SORT1: variants seen among roughly 807,000 people sequenced by gnomAD.
SORT1 encodes sortilin.
A neutral mutation model predicts 101.7 loss-of-function variants in SORT1; 39 were observed. The ratio of observed to expected loss-of-function variants is 0.38; its 90% CI spans 0.30 to 0.50. The LOEUF (loss-of-function observed/expected upper bound fraction) is 0.50, where lower values mean the gene tolerates loss of function less well. Ranked by LOEUF, SORT1 falls within the 20% of genes least tolerant of loss-of-function variation. The pLI, the probability that SORT1 is intolerant of heterozygous loss-of-function variation, is 0.90. For missense variants in SORT1, 878 were observed against 1,040.4 expected, an observed-to-expected ratio of 0.84 and a Z score of 2.15; for synonymous variants, 396 against 393.7, an observed-to-expected ratio of 1.01 and a Z score of -0.07.
intron 8 of SORT1, among the ~76,000 whole-genome samples, chr1:109,345,371 C>T (rs891233380): frequency 2.6e-5 from 4 of 152,074 alleles, no homozygotes; most frequent in South Asian, 2.1e-4. Context: ...AAAAATTATC[C>T]GGGTGTGGTG....
chr1:109,330,367 G>C (rs577642066), intron 11 of SORT1, among the ~76,000 whole-genome samples: 170 of 152,214 alleles, frequency 1.1e-3, no homozygotes, highest in Non-Finnish European at 2.0e-3. Flanking sequence ...TCACATGAAT[G>C]TGGAAATTGA....
At chr1:109,391,928 A>C (rs542196711) in intron 1 of SORT1, among the ~76,000 whole-genome samples, 5 of 152,352 alleles carry the variant, frequency 3.3e-5, no homozygotes, top group African/African-American at 1.2e-4. Flanking sequence ...AAAAGGAGAG[A>C]AAGGGAACTG....
At chr1:109,331,399 T>G (rs1648445000) in intron 11 of SORT1, among the ~76,000 whole-genome samples, 1 of 152,008 alleles carries the variant, frequency 6.6e-6, no homozygotes, top group South Asian at 2.1e-4. Context: ...GAAAAAGCAC[T>G]TAACAAATTT....
intron 10 of SORT1, among the ~76,000 whole-genome samples, chr1:109,340,396 TG>T (rs1649131050): frequency 6.6e-6 from 1 of 152,058 alleles, no homozygotes; most frequent in Non-Finnish European, 1.5e-5. Flanking sequence ...TTACCAGAGC[TG>T]GGTGACTGGG....
rs376532438 is a variant in SORT1 at position 109,367,500 on chromosome 1, A to G, written c.367-19T>C. On this transcript the variant is annotated intron_variant, in intron 2 of 19. Transcript: ENST00000256637. ...GAATGACCTGGAGAGAGAAAAAAGC[A>G]TTCCGTAAATAAAAAAGATATTCCA... 1.3e-5 allele frequency: 19 copies of G among 1,467,698 alleles called. No homozygotes were observed. The highest frequency in any genetic ancestry group is 1.8e-5 in the Non-Finnish European group (19 of 1,053,128). 90.9% of individuals were successfully genotyped at this position (1,467,698 alleles called of 1,614,324 possible).
chr1:109,345,731 G>A lies in SORT1; in HGVS notation c.963+20C>T. 2 of 1,600,128 alleles carry A rather than the reference G, an allele frequency of 1.2e-6. No homozygotes were observed. The highest frequency in any genetic ancestry group is 1.7e-6 in the Non-Finnish European group (2 of 1,175,138). ...ATTTGCAGAAATATCAGACCCCAAA[G>A]GGGAGAGGGCAATACCTACCTTATC... On this transcript the variant is annotated intron_variant, in intron 8 of 19. Transcript: ENST00000256637.
chr1:109,339,734 T>C (rs975323364), intron 10 of SORT1, among the ~76,000 whole-genome samples: 28 of 152,370 alleles, frequency 1.8e-4, no homozygotes, highest in African/African-American at 5.5e-4. Flanking sequence ...CACTCCTACA[T>C]ATATCCCCAA....
intron 11 of SORT1, among the ~76,000 whole-genome samples, chr1:109,329,817 G>C (rs1648339078): frequency 6.6e-6 from 1 of 152,182 alleles, no homozygotes; most frequent in African/African-American, 2.4e-5. Context: ...CAGAAAACCA[G>C]TAAGGAAAGA....
intron 1 of SORT1, among the ~76,000 whole-genome samples, chr1:109,395,996 A>T (rs778850948): frequency 5.9e-5 from 9 of 152,210 alleles, no homozygotes; most frequent in Middle Eastern, 3.4e-3. Context: ...AGGTGAGAGG[A>T]TCACTTGAGC....
At chr1:109,396,880 G>A (rs575722968) in intron 1 of SORT1, among the ~76,000 whole-genome samples, 1 of 152,328 alleles carries the variant, frequency 6.6e-6, no homozygotes, top group East Asian at 1.9e-4. Context: ...CCAGTAGTGT[G>A]CAAAGGTTGA....
chr1:109,342,747 G>A (rs763877339), intron 8 of SORT1, among the ~76,000 whole-genome samples: 7 of 151,992 alleles, frequency 4.6e-5, no homozygotes, highest in African/African-American at 9.7e-5. Context: ...AAGGAGAGTC[G>A]GAAATTACTA....
At chr1:109,326,440 T>A (rs1247384130) in intron 13 of SORT1, among the ~76,000 whole-genome samples, 1 of 22,246 alleles carries the variant, frequency 4.5e-5, no homozygotes, top group Non-Finnish European at 8.8e-5. Context: ...TATATATATA[T>A]ATATATATAT....
At chr1:109,378,409 TAGAC>T (rs1233143267) in intron 1 of SORT1, among the ~76,000 whole-genome samples, 4 of 151,928 alleles carry the variant, frequency 2.6e-5, no homozygotes, top group African/African-American at 9.7e-5. Flanking sequence ...CTGGATCACT[TAGAC>T]AGGAAAGGTG....
chr1:109,317,434 T>G (rs1355708882), intron 16 of SORT1, among the ~76,000 whole-genome samples: 1 of 152,180 alleles, frequency 6.6e-6, no homozygotes, highest in East Asian at 1.9e-4. Context: ...TACAGAACAC[T>G]TCCATCACCA....
At chr1:109,377,471 A>C (rs568259792) in intron 1 of SORT1, among the ~76,000 whole-genome samples, 1 of 152,352 alleles carries the variant, frequency 6.6e-6, no homozygotes, top group East Asian at 1.9e-4. Context: ...TCAGTAAATA[A>C]TGGCTGAATA....
intron 11 of SORT1, among the ~76,000 whole-genome samples, chr1:109,335,431 G>C (rs904224855): frequency 2.6e-5 from 4 of 152,318 alleles, no homozygotes; most frequent in South Asian, 2.1e-4. Context: ...GTGCTTGCGA[G>C]TGTAAAGGAG....
intron 3 of SORT1, among the ~76,000 whole-genome samples, chr1:109,359,720 G>A (rs928307326): frequency 1.3e-4 from 20 of 152,172 alleles, no homozygotes; most frequent in African/African-American, 4.8e-4. Flanking sequence ...GGCTGGTCTC[G>A]AACTCCTGAC....
chr1:109,397,683 G>C lies in SORT1; in HGVS notation c.210C>G (p.Pro70=), dbSNP rs1653277734. 1.7e-6 allele frequency: 2 copies of C among 1,200,548 alleles called. No homozygotes were observed. The highest frequency in any genetic ancestry group is 3.5e-4 in the Middle Eastern group (1 of 2,862). The allele number at this position is 1,200,548 out of a possible 1,614,324, so 74.4% of individuals were successfully genotyped here. The change falls in exon 1 of 20, where the codon CCC becomes CCG. Residue 70 remains proline, a synonymous_variant. Transcript: ENST00000256637. ...CGCTGCGACGCCAACGGCCGCCGCG[G>C]GGAAACGCGCCCCCGGCTGCGGCCG... ...LRAAAAGGAF[P]RGGRWRRSAP...
At chr1:109,397,303 T>C (rs1653241866) in intron 1 of SORT1, 2 of 153,688 alleles carry the variant, frequency 1.3e-5, no homozygotes, top group African/African-American at 2.4e-5. Context: ...CCTGATTATT[T>C]ATACAGACGA....
Sources: gnomAD v4.1 joint callset for allele counts (sites outside exome capture counted in the v4.1 genomes callset) on GRCh38, gnomAD v4.1.1 for gene constraint, MANE v1.5 for transcripts, NCBI Gene and HGNC (gene_info 2026-07-23, HGNC 2026-07-21) for gene names.